ST6GALNAC3: variants seen among roughly 807,000 people sequenced by gnomAD.
ST6GALNAC3 encodes alpha-N-acetylgalactosaminide alpha-2,6-sialyltransferase 3.
Under a neutral mutation model 32.7 loss-of-function variants are expected in ST6GALNAC3, and 25 were observed. That is an observed-to-expected ratio of 0.76 (90% confidence interval 0.56 to 1.07). The LOEUF is 1.07. ST6GALNAC3 is among the 50% of genes least tolerant of loss of function. The pLI, the probability that ST6GALNAC3 is intolerant of heterozygous loss-of-function variation, is 0.00. For synonymous variants in ST6GALNAC3, 129 were observed against 133.1 expected, an observed-to-expected ratio of 0.97 and a Z score of 0.21; for missense variants, 355 against 382.4, an observed-to-expected ratio of 0.93 and a Z score of 0.60.
At chr1:76,163,577 A>G (rs1334154561) in intron 1 of ST6GALNAC3, among the ~76,000 whole-genome samples, 2 of 152,184 alleles carry the variant, frequency 1.3e-5, no homozygotes, top group Non-Finnish European at 2.9e-5. Flanking sequence ...TTTTCTTCAC[A>G]TTTTAACATC....
intron 3 of ST6GALNAC3, among the ~76,000 whole-genome samples, chr1:76,448,149 C>T (rs939419331): frequency 2.6e-5 from 4 of 152,142 alleles, no homozygotes; most frequent in African/African-American, 7.2e-5. Flanking sequence ...CTTGCATCAG[C>T]GTGACCTGGT....
intron 3 of ST6GALNAC3, among the ~76,000 whole-genome samples, chr1:76,418,037 G>A (rs1654764495): frequency 6.6e-6 from 1 of 152,110 alleles, no homozygotes; most frequent in Non-Finnish European, 1.5e-5. Context: ...ATCTTTGCCA[G>A]CCTGTTCCAT....
intron 1 of ST6GALNAC3, among the ~76,000 whole-genome samples, chr1:76,191,311 A>G (rs1653881793): frequency 6.6e-6 from 1 of 152,144 alleles, no homozygotes; most frequent in Non-Finnish European, 1.5e-5. Context: ...AAAAAAAAGA[A>G]TTGATATCAT....
chr1:76,275,892 T>A (rs567297746), intron 1 of ST6GALNAC3, among the ~76,000 whole-genome samples: 1 of 152,240 alleles, frequency 6.6e-6, no homozygotes, highest in African/African-American at 2.4e-5. Context: ...ACTGGTTTGA[T>A]TCAGCGGTTC....
At chr1:76,536,590 C>A (rs1014479357) in intron 3 of ST6GALNAC3, among the ~76,000 whole-genome samples, 1 of 123,276 alleles carries the variant, frequency 8.1e-6, no homozygotes, top group Admixed American at 1.0e-4. Context: ...GTTCGTATTA[C>A]AATTCAAGAT....
intron 3 of ST6GALNAC3, among the ~76,000 whole-genome samples, chr1:76,592,783 A>G (rs1376150798): frequency 1.3e-5 from 2 of 152,260 alleles, no homozygotes; most frequent in Non-Finnish European, 2.9e-5. Context: ...TGACCTTTTC[A>G]GGACAAGAAA....
chr1:76,555,818 CA>C (rs1664884297), intron 3 of ST6GALNAC3, among the ~76,000 whole-genome samples: 3 of 151,940 alleles, frequency 2.0e-5, no homozygotes, highest in Admixed American at 2.0e-4. Flanking sequence ...TTCTGGGTAC[CA>C]GGAAAATTCA....
chr1:76,606,114 G>T lies in ST6GALNAC3; in HGVS notation c.624-21338G>T, dbSNP rs572519973. ...GAAATAGGAACGCTTTTACACTCTT[G>T]TTGGGAATGTAACTTAGTTCAACCA... On this transcript the variant is annotated intron_variant, in intron 3 of 4. Transcript: ENST00000328299. 5.9e-5 allele frequency among the ~76,000 whole-genome samples: 9 copies of T among 152,248 alleles called. No individual in the cohort carries two copies. The East Asian group carries it at 9.7e-4, about 16-fold the overall frequency.
intron 3 of ST6GALNAC3, among the ~76,000 whole-genome samples, chr1:76,476,620 G>A (rs182038726): frequency 6.6e-6 from 1 of 152,232 alleles, no homozygotes; most frequent in East Asian, 1.9e-4. Context: ...TGATTTTGAG[G>A]ACTGGGGACC....
intron 3 of ST6GALNAC3, among the ~76,000 whole-genome samples, chr1:76,594,080 A>G (rs1647091197): frequency 6.6e-6 from 1 of 152,164 alleles, no homozygotes; most frequent in South Asian, 2.1e-4. Flanking sequence ...CATGGCTCTG[A>G]ACAGGGCTTA....
intron 2 of ST6GALNAC3, among the ~76,000 whole-genome samples, chr1:76,315,404 G>A (rs550656627): frequency 1.0e-3 from 156 of 152,130 alleles, no homozygotes; most frequent in Non-Finnish European, 1.8e-3. Flanking sequence ...GGGAAATCCC[G>A]TCAAATATCA....
chr1:76,245,393 T>G (rs945714046), intron 1 of ST6GALNAC3, among the ~76,000 whole-genome samples: 1 of 152,160 alleles, frequency 6.6e-6, no homozygotes, highest in Non-Finnish European at 1.5e-5. Context: ...CTGGATTCAT[T>G]GATTTTTTTG....
At chr1:76,172,928 T>G (rs550097698) in intron 1 of ST6GALNAC3, among the ~76,000 whole-genome samples, 70 of 152,330 alleles carry the variant, frequency 4.6e-4, no homozygotes, top group African/African-American at 1.7e-3. Context: ...ATTTACAGAT[T>G]CAATGCTATT....
chr1:76,575,826 A>G (rs1646795329), intron 3 of ST6GALNAC3, among the ~76,000 whole-genome samples: 1 of 151,706 alleles, frequency 6.6e-6, no homozygotes. Flanking sequence ...AAAGAACCAG[A>G]TTTTCTTTTT....
At chr1:76,075,637 G>A (rs75237859) in intron 1 of ST6GALNAC3, among the ~76,000 whole-genome samples, 2,161 of 152,118 alleles carry the variant, frequency 0.014, 51 homozygotes, top group African/African-American at 0.049. Flanking sequence ...GTGGCCTCAG[G>A]TGGGAGAACT....
intron 3 of ST6GALNAC3, among the ~76,000 whole-genome samples, chr1:76,458,803 G>A (rs1352324643): frequency 6.6e-6 from 1 of 151,292 alleles, no homozygotes; most frequent in Admixed American, 6.6e-5. Context: ...GTTAGTGAGT[G>A]CAGCGCACCA....
intron 1 of ST6GALNAC3, among the ~76,000 whole-genome samples, chr1:76,165,464 G>A (rs539598360): frequency 2.0e-5 from 3 of 152,304 alleles, no homozygotes; most frequent in Admixed American, 6.5e-5. Flanking sequence ...AGTGTGAACA[G>A]TGCTGTAATT....
At chr1:76,429,243 T>C (rs1210447536) in intron 3 of ST6GALNAC3, among the ~76,000 whole-genome samples, 1 of 152,168 alleles carries the variant, frequency 6.6e-6, no homozygotes, top group African/African-American at 2.4e-5. Context: ...TTTCTTGTCA[T>C]AGATTATAGC....
chr1:76,156,076 T>C (rs1196127774), intron 1 of ST6GALNAC3, among the ~76,000 whole-genome samples: 1 of 150,392 alleles, frequency 6.6e-6, no homozygotes, highest in Non-Finnish European at 1.5e-5. Context: ...AGGAGTTTAG[T>C]AGAAGGTTCC....
Sources: allele counts gnomAD v4.1 joint callset (sites outside exome capture counted in the v4.1 genomes callset), GRCh38; gene constraint gnomAD v4.1.1; transcripts MANE v1.5; gene names NCBI Gene and HGNC (gene_info 2026-07-23, HGNC 2026-07-21).